The following SERINC5 variants were observed in gnomAD, a reference collection of about 807,000 sequenced individuals.
The protein encoded by SERINC5 is chromosome 5 open reading frame 12.
A neutral mutation model predicts 63.1 loss-of-function variants in SERINC5; 41 were observed. The observed-to-expected ratio is 0.65, with a 90% CI of 0.51 to 0.84. The LOEUF (loss-of-function observed/expected upper bound fraction) is 0.84. SERINC5 is among the 40% of genes least tolerant of loss of function. SERINC5 has a pLI of 0.00. For missense variants in SERINC5, 523 were observed against 573.0 expected, an observed-to-expected ratio of 0.91 and a Z score of 0.89; for synonymous variants, 222 against 215.2, an observed-to-expected ratio of 1.03 and a Z score of -0.28.
At position 80,242,428 on chromosome 5, in the gene SERINC5, G is replaced by T. The variant is rs534693791; in HGVS notation, c.27+13468C>A. On this transcript the variant is annotated intron_variant, in intron 1 of 11. Coordinates refer to ENST00000507668, the MANE Select transcript of SERINC5 (RefSeq NM_001174072.3). ...AGGTCAGGAGTTCGAGACCAGCCTG[G>T]TCAACATGGCGAAATCCCATTTTTA... Among the ~76,000 whole-genome samples the T allele has an allele frequency of 3.9e-5, 6 of 152,260 alleles. No homozygotes were observed. In the South Asian group the frequency reaches 1.2e-3, roughly 32 times the overall value.
chr5:80,190,226 C>T (rs1409661444), intron 2 of SERINC5, among the ~76,000 whole-genome samples: 1 of 150,894 alleles, frequency 6.6e-6, no homozygotes, highest in Non-Finnish European at 1.5e-5. Flanking sequence ...ATCCTCCCAT[C>T]TCAGCCTCCT....
At chr5:80,146,486 C>A (rs1475102514) in intron 10 of SERINC5, among the ~76,000 whole-genome samples, 1 of 152,146 alleles carries the variant, frequency 6.6e-6, no homozygotes, top group East Asian at 1.9e-4. Context: ...GAGTTTCACT[C>A]TTTTTGCCCC....
intron 1 of SERINC5, among the ~76,000 whole-genome samples, chr5:80,228,316 G>GAGGA (rs1383827219): frequency 1.4e-5 from 2 of 145,186 alleles, no homozygotes; most frequent in African/African-American, 5.1e-5. Context: ...AGGGGGAGAG[G>GAGGA]AGGAAGGAAG....
At chr5:80,138,283 C>CT, downstream of SERINC5, among the ~76,000 whole-genome samples, 1 of 152,056 alleles carries the variant, frequency 6.6e-6, no homozygotes, top group East Asian at 1.9e-4. Flanking sequence ...AGTTAGGAAC[C>CT]TGGCACTGTA....
intron 7 of SERINC5, among the ~76,000 whole-genome samples, chr5:80,164,439 A>G (rs367863954): frequency 1.3e-5 from 2 of 151,924 alleles, no homozygotes; most frequent in Admixed American, 6.6e-5. Flanking sequence ...CAGTGGTGCA[A>G]TAAGAGCTCA....
At chr5:80,234,830 A>C (rs1306283064) in intron 1 of SERINC5, among the ~76,000 whole-genome samples, 4 of 152,202 alleles carry the variant, frequency 2.6e-5, no homozygotes, top group Non-Finnish European at 4.4e-5. Context: ...TCATAGACAC[A>C]GTGTTCTTTA....
intron 2 of SERINC5, among the ~76,000 whole-genome samples, chr5:80,197,580 C>G (rs1479281648): frequency 6.6e-6 from 1 of 152,102 alleles, no homozygotes; most frequent in African/African-American, 2.4e-5. Flanking sequence ...CTACATTGGC[C>G]TGGCACATTG....
rs536362409 is a variant in SERINC5, at chr5:80,199,361, T to C, written c.195+3525A>G. Among the ~76,000 whole-genome samples, 11 of 152,316 alleles carry C rather than the reference T, an allele frequency of 7.2e-5. No individual in the cohort carries two copies. In the East Asian group the frequency reaches 1.9e-3, roughly 27 times the overall value. ...GTACCTACTGTTCAGGTGAGTACAG[T>C]GCTGATGAAGTAAGAAAATACAGGG... On this transcript the variant is annotated intron_variant, in intron 2 of 11. Transcript: ENST00000507668.
In SERINC5 at chr5:80,249,523, C is replaced by T. The variant is rs377549084; in HGVS notation, c.27+6373G>A. ...TGCAAAGTAAAATTATAAATATCGG[C>T]CGGGCACAGTGGCTCAGTCCTGTAA... On this transcript the variant is annotated intron_variant, in intron 1 of 11. Transcript: ENST00000507668. Among the ~76,000 whole-genome samples, 7 of 152,248 alleles carry T rather than the reference C, an allele frequency of 4.6e-5. No homozygotes were observed. In the South Asian group the frequency reaches 6.2e-4, roughly 14 times the overall value.
At chr5:80,130,371 T>G (rs1388153192) in intron 11 of SERINC5, among the ~76,000 whole-genome samples, 1 of 149,194 alleles carries the variant, frequency 6.7e-6, no homozygotes, top group Non-Finnish European at 1.5e-5. Flanking sequence ...CAAAGCGAGA[T>G]TCCATCTCAA....
chr5:80,202,471 G>C (rs774831154), intron 2 of SERINC5, among the ~76,000 whole-genome samples: 4 of 152,054 alleles, frequency 2.6e-5, no homozygotes, highest in African/African-American at 9.7e-5. Context: ...GGCTGGGAAG[G>C]GGGTGGATGA....
intron 1 of SERINC5, among the ~76,000 whole-genome samples, chr5:80,228,985 T>C (rs533471919): frequency 6.7e-6 from 1 of 149,030 alleles, no homozygotes; most frequent in South Asian, 2.1e-4. Flanking sequence ...TCAGAGAATT[T>C]CTTTTTTCTC....
intron 1 of SERINC5, among the ~76,000 whole-genome samples, chr5:80,223,439 T>C (rs1170364320): frequency 6.6e-6 from 1 of 152,216 alleles, no homozygotes; most frequent in Non-Finnish European, 1.5e-5. Flanking sequence ...GTTTTGTTTT[T>C]TTCCCCAAAT....
chr5:80,169,464 C>T lies in SERINC5; in HGVS notation c.634G>A (p.Gly212Ser), dbSNP rs1225299873. The T allele has an allele frequency of 4.3e-6, 7 of 1,613,974 alleles. No homozygotes were observed. Among genetic ancestry groups the T allele is most frequent in the Non-Finnish European group, 5.9e-6 (7 of 1,179,874 alleles). Residue 212 changes from glycine to serine, a missense_variant, in exon 6 of 12, where the codon GGC becomes AGC. By Grantham distance (56) the Gly-to-Ser change is moderately conservative. Transcript: ENST00000507668. ...TAAAACACTGCCATCAAAACCAAGC[C>T]TCCAGTGGCAATGGAATACATGATG... ...TLIMYSIATG[G>S]LVLMAVFYTQ...
At position 80,218,798 on chromosome 5, in the gene SERINC5, G is replaced by A. The variant is rs115985360; in HGVS notation, c.28-15745C>T. Among the ~76,000 whole-genome samples, 1,009 of 151,746 alleles carry A rather than the reference G, an allele frequency of 6.6e-3. 10 individuals carry two copies. The highest frequency in any genetic ancestry group is 0.021 in the African/African-American group (883 of 41,362). The stretch of plus-strand genomic sequence containing the variant: ...GACAGCCCCGACTAAATCACCCCAC[G>A]TGCAGATTCAACCACTGGCCGCTCT... On this transcript the variant is annotated intron_variant, in intron 1 of 11. Transcript: ENST00000507668.
intron 1 of SERINC5, among the ~76,000 whole-genome samples, chr5:80,244,463 C>A (rs1752081365): frequency 6.6e-6 from 1 of 151,984 alleles, no homozygotes; most frequent in Admixed American, 6.6e-5. Context: ...TGATACGCTG[C>A]CTCAGCCCCC....
intron 2 of SERINC5, among the ~76,000 whole-genome samples, chr5:80,195,283 T>C (rs1303147317): frequency 2.1e-5 from 3 of 142,646 alleles, no homozygotes; most frequent in Non-Finnish European, 4.5e-5. Context: ...TGAAACTCTG[T>C]CGCAAAAAAA....
chr5:80,144,127 C>T (rs976420894), intron 11 of SERINC5, among the ~76,000 whole-genome samples: 1 of 151,954 alleles, frequency 6.6e-6, no homozygotes, highest in East Asian at 1.9e-4. Context: ...TTGTGTGTGG[C>T]TTTTTTGCCT....
rs1745502116 is a variant in SERINC5, at chr5:80,141,484, T to TG, written c.*2178dup. ...GGTCAGTTTCTCAAATCACACCAGC[T>TG]GGCAGCCAGACCCAGCCGAGAGGAC... On this transcript the variant is annotated 3_prime_UTR_variant, in exon 12 of 12. Transcript: ENST00000507668. 1.0e-6 allele frequency: 1 copy of TG among 985,358 alleles called. No homozygotes were observed. Among genetic ancestry groups the TG allele is most frequent in the African/African-American group, 1.7e-5 (1 of 57,166 alleles). 61.0% of individuals were successfully genotyped at this position (985,358 alleles called of 1,614,324 possible).
Sources: allele counts gnomAD v4.1 joint callset (sites outside exome capture counted in the v4.1 genomes callset), GRCh38; gene constraint gnomAD v4.1.1; transcripts MANE v1.5; gene names NCBI Gene and HGNC (gene_info 2026-07-23, HGNC 2026-07-21).